Variants in HEMK2 observed in about 807,000 individuals in gnomAD.
The protein encoded by HEMK2 is HemK methyltransferase 2, ETF1 glutamine and histone H4 lysine.
the HEMK2 span, among the ~76,000 whole-genome samples, chr21:28,883,912 A>C: frequency 6.6e-6 from 1 of 152,200 alleles, no homozygotes; most frequent in Admixed American, 6.5e-5. Flanking sequence ...ACATGCATCA[A>C]AAGCATAAAT....
the HEMK2 span, among the ~76,000 whole-genome samples, chr21:28,819,563 T>TC: frequency 8.3e-3 from 1,222 of 147,902 alleles, 26 homozygotes; most frequent in African/African-American, 0.029. Flanking sequence ...TTTTTTTTTT[T>TC]CAGACAGAGT....
chr21:28,788,142 A>G, the HEMK2 span, among the ~76,000 whole-genome samples: 88 of 150,794 alleles, frequency 5.8e-4, no homozygotes, highest in Middle Eastern at 3.5e-3. Context: ...ATATATGTAA[A>G]TATACATATA....
At chr21:28,732,156 A>G in the HEMK2 span, among the ~76,000 whole-genome samples, 1 of 152,250 alleles carries the variant, frequency 6.6e-6, no homozygotes, top group African/African-American at 2.4e-5. Flanking sequence ...GGGCTGGACA[A>G]TGGCTATTTC....
At chr21:28,874,296 G>A in the HEMK2 span, 1 of 152,236 alleles carries the variant, frequency 6.6e-6, no homozygotes, top group South Asian at 2.1e-4. Flanking sequence ...CAGACACCCT[G>A]CGCGAAGGGA....
chr21:28,885,108 T>TGCTCCGGCTCAGGGCGGTGATAGTCACC, the HEMK2 span: 1 of 1,408,482 alleles, frequency 7.1e-7, no homozygotes, highest in Admixed American at 2.7e-5. Context: ...GGACCCCGCC[T>TGCTCCGGCTCAGGGCGGTGATAGTCACC]GCTCCGGCTC....
At chr21:28,616,832 C>T in the HEMK2 span, among the ~76,000 whole-genome samples, 2 of 152,188 alleles carry the variant, frequency 1.3e-5, no homozygotes, top group African/African-American at 4.8e-5. Flanking sequence ...CAACACATCA[C>T]TCAGGATTGG....
At chr21:28,838,972 A>ATATATATATATATATATATAT in the HEMK2 span, among the ~76,000 whole-genome samples, 1 of 29,158 alleles carries the variant, frequency 3.4e-5, no homozygotes, top group Non-Finnish European at 5.6e-5. Flanking sequence ...AAAAAAAAAA[A>ATATATATATATATATATATAT]ATATATATAT....
chr21:28,825,091 G>C, the HEMK2 span, among the ~76,000 whole-genome samples: 1 of 152,178 alleles, frequency 6.6e-6, no homozygotes, highest in South Asian at 2.1e-4. Context: ...CAATGGGCAG[G>C]GAGTGGGACA....
At chr21:28,672,584 C>A in the HEMK2 span, among the ~76,000 whole-genome samples, 1 of 152,062 alleles carries the variant, frequency 6.6e-6, no homozygotes, top group East Asian at 1.9e-4. Flanking sequence ...AGCGGGCTCT[C>A]CAGGAGGTGG....
the HEMK2 span, among the ~76,000 whole-genome samples, chr21:28,648,549 T>C: frequency 6.6e-6 from 1 of 152,208 alleles, no homozygotes; most frequent in African/African-American, 2.4e-5. Flanking sequence ...GTTTGTTAAA[T>C]GAATAATTAA....
the HEMK2 span, among the ~76,000 whole-genome samples, chr21:28,807,889 C>T: frequency 6.6e-6 from 1 of 152,120 alleles, no homozygotes; most frequent in Non-Finnish European, 1.5e-5. Flanking sequence ...TCCATTTTCC[C>T]ACTCAGCCAG....
chr21:28,760,293 G>A, the HEMK2 span, among the ~76,000 whole-genome samples: 1 of 152,188 alleles, frequency 6.6e-6, no homozygotes, highest in African/African-American at 2.4e-5. Flanking sequence ...TCAAGCCCAT[G>A]CTATATCAAG....
At chr21:28,865,704 A>G in the HEMK2 span, among the ~76,000 whole-genome samples, 1 of 152,012 alleles carries the variant, frequency 6.6e-6, no homozygotes, top group African/African-American at 2.4e-5. Flanking sequence ...AGGCCTTTCC[A>G]TGCACTCTTC....
At chr21:28,743,406 A>T in the HEMK2 span, 1 of 152,196 alleles carries the variant, frequency 6.6e-6, no homozygotes, top group Admixed American at 6.6e-5. Flanking sequence ...ACAGTTCTGG[A>T]GGCTAGACGT....
the HEMK2 span, among the ~76,000 whole-genome samples, chr21:28,856,232 T>C: frequency 1.3e-5 from 2 of 151,998 alleles, no homozygotes; most frequent in Non-Finnish European, 2.9e-5. Flanking sequence ...CTGGCAAACA[T>C]GGTGAAACCC....
chr21:28,722,381 G>C, the HEMK2 span, among the ~76,000 whole-genome samples: 1 of 152,176 alleles, frequency 6.6e-6, no homozygotes, highest in Non-Finnish European at 1.5e-5. Flanking sequence ...GAGTCCGATG[G>C]AAGAGGCAGA....
At chr21:28,595,189 T>A in the HEMK2 span, among the ~76,000 whole-genome samples, 15 of 152,190 alleles carry the variant, frequency 9.9e-5, no homozygotes, top group South Asian at 4.1e-4. Context: ...TCAATTATAT[T>A]CTTCTAGTTA....
chr21:28,698,804 ACTGATTAGATATTTTCC>A, the HEMK2 span, among the ~76,000 whole-genome samples: 4 of 152,312 alleles, frequency 2.6e-5, no homozygotes, highest in South Asian at 4.1e-4. Flanking sequence ...AGACATTTTC[ACTGATTAGATATTTTCC>A]CTGATTAGAT....
the HEMK2 span, among the ~76,000 whole-genome samples, chr21:28,671,471 C>A: frequency 6.6e-6 from 1 of 152,154 alleles, no homozygotes; most frequent in East Asian, 1.9e-4. Flanking sequence ...ATATATCCAG[C>A]CTTAGAGGTG....
Sources: allele counts gnomAD v4.1 joint callset (sites outside exome capture counted in the v4.1 genomes callset), GRCh38; gene constraint gnomAD v4.1.1; transcripts MANE v1.5; gene names NCBI Gene and HGNC (gene_info 2026-07-23, HGNC 2026-07-21).